Variants in LMTK2 observed in about 807,000 individuals in gnomAD.
LMTK2 encodes the protein lemur tail kinase 2, also known as serine/threonine-protein kinase LMTK2.
In LMTK2, 37 loss-of-function variants were observed where a neutral mutation model predicts 127.5. That is an observed-to-expected ratio of 0.29 (90% CI 0.22 to 0.38). LMTK2 has a LOEUF of 0.38. Among genes scored for constraint, LMTK2 ranks in the 10% least tolerant of loss-of-function variants. LMTK2 has a pLI of 1.00. For synonymous variants in LMTK2, 819 were observed against 810.1 expected (o/e 1.01, Z -0.19); for missense variants, 1,694 against 1,920.3 (o/e 0.88, Z 2.20).
chr7:98,182,069 C>T (rs935979577), intron 7 of LMTK2, among the ~76,000 whole-genome samples: 6 of 152,160 alleles, frequency 3.9e-5, no homozygotes, highest in Non-Finnish European at 8.8e-5. Context: ...TGAAGTTGAA[C>T]CCTTAACTAA....
chr7:98,201,239 G>T (rs1034916909), intron 11 of LMTK2, among the ~76,000 whole-genome samples: 3 of 152,044 alleles, frequency 2.0e-5, no homozygotes, highest in South Asian at 2.1e-4. Flanking sequence ...TGAGAAATTT[G>T]CAGTCACTCA....
chr7:98,110,389 G>C (rs946677061), intron 1 of LMTK2, among the ~76,000 whole-genome samples: 1 of 152,032 alleles, frequency 6.6e-6, no homozygotes, highest in African/African-American at 2.4e-5. Flanking sequence ...CCCTACGCCC[G>C]CCCCGTCTAG....
Position 98,159,317 on chromosome 7 carries a change from T to C in LMTK2, c.570-21T>C, listed in dbSNP as rs1247000373. On this transcript the variant is annotated intron_variant, in intron 5 of 13. Transcript: ENST00000297293. ...TATCATGCTTCCTGATGAACAATATTATGGCTTTTATTTTTCCCAGCATTC... is the reference window on the plus strand; with the variant it reads ...TATCATGCTTCCTGATGAACAATATCATGGCTTTTATTTTTCCCAGCATTC... 6 of 1,531,532 alleles carry C rather than the reference T, an allele frequency of 3.9e-6. No individual in the cohort carries two copies. The South Asian group carries it at 7.0e-5, about 18-fold the overall frequency. 94.9% of individuals were successfully genotyped at this position (1,531,532 alleles called of 1,614,324 possible).
At position 98,107,099 on chromosome 7, in the gene LMTK2, C is replaced by T; in HGVS notation, c.-79C>T. The T allele has an allele frequency of 9.0e-7, 1 of 1,116,104 alleles. No individual in the cohort carries two copies. The highest frequency in any genetic ancestry group is 1.2e-6 in the Non-Finnish European group (1 of 841,592). The allele number at this position is 1,116,104 out of a possible 1,614,324, so 69.1% of individuals were successfully genotyped here. On this transcript the variant is annotated 5_prime_UTR_variant, in exon 1 of 14. Coordinates refer to ENST00000297293, the MANE Select transcript of LMTK2 (RefSeq NM_014916.4). Reference sequence around the variant, plus strand: ...GTGCCACTGAGGCAGCGGAGGGAGGCAGGATCGACTGACGGGCGAACGGAC... The same window carrying T: ...GTGCCACTGAGGCAGCGGAGGGAGGTAGGATCGACTGACGGGCGAACGGAC...
Position 98,193,109 on chromosome 7 carries a change from A to T in LMTK2, c.2644A>T (p.Arg882Trp). Residue 882 changes from arginine (R) to tryptophan (W), a missense_variant, in exon 11 of 14, where the codon AGG (arginine) becomes TGG (tryptophan). Transcript: ENST00000297293. This position sits in a 1 kb window ranked among gnomAD's most constrained non-coding sequence, Gnocchi z 4.1. Reference protein sequence around the residue: ...TDARTHSLDNRSQDSPGESEE... With the variant: ...TDARTHSLDNWSQDSPGESEE... ...TGCCAGAACCCACAGCCTGGATAAC[A>T]GGTCCCAGGACTCTCCTGGCGAGAG... 6.2e-7 allele frequency: 1 copy of T among 1,613,762 alleles called. No homozygotes were observed. Among genetic ancestry groups the T allele is most frequent in the Non-Finnish European group, 8.5e-7 (1 of 1,180,036 alleles).
intron 2 of LMTK2, 34 bp from the exon 3 acceptor site, chr7:98,141,363 A>G (rs1441907197): frequency 3.8e-6 from 6 of 1,596,274 alleles, no homozygotes; most frequent in Admixed American, 1.7e-5. Flanking sequence ...AATGTTAGCC[A>G]ATGGTTTTTA....
intron 1 of LMTK2, among the ~76,000 whole-genome samples, chr7:98,134,433 A>G (rs1796569551): frequency 6.6e-6 from 1 of 152,236 alleles, no homozygotes; most frequent in South Asian, 2.1e-4. Flanking sequence ...ATCAATAAAA[A>G]ACAGTGTACG....
In LMTK2 at chr7:98,205,579, C is replaced by T. The variant is rs1396351245; in HGVS notation, c.*87C>T. ...CTCAGCCCGAGCAGCGACATCCACT[C>T]GCCATTTGCTGACATGAGATTGGGA... On this transcript the variant is annotated 3_prime_UTR_variant, in exon 14 of 14. Transcript: ENST00000297293. 2.2e-6 allele frequency: 3 copies of T among 1,374,256 alleles called. No homozygotes were observed. Among genetic ancestry groups the T allele is most frequent in the Non-Finnish European group, 3.1e-6 (3 of 982,078 alleles). 85.1% of individuals were successfully genotyped at this position (1,374,256 alleles called of 1,614,324 possible).
At chr7:98,137,881 C>T (rs776674329) in intron 2 of LMTK2, among the ~76,000 whole-genome samples, 4 of 152,166 alleles carry the variant, frequency 2.6e-5, no homozygotes, top group African/African-American at 4.8e-5. Flanking sequence ...CCCTCCACCC[C>T]GAAACTTCTG....
chr7:98,140,169 T>TCG (rs1562902872), intron 2 of LMTK2, among the ~76,000 whole-genome samples: 2 of 5,972 alleles, frequency 3.3e-4, no homozygotes, highest in Admixed American at 5.1e-3. Flanking sequence ...TTTCTTTTCT[T>TCG]TTCTTTCTTT....
At position 98,192,956 on chromosome 7, in the gene LMTK2, C is replaced by G. The variant is rs138027258; in HGVS notation, c.2491C>G (p.Pro831Ala). Residue 831 changes from proline (P) to alanine (A), a missense_variant, in exon 11 of 14, where the codon CCA becomes GCA. Physicochemically the swap from Pro to Ala is conservative, Grantham distance 27. This residue lies in a region of LMTK2 where 527 missense variants were observed against 539.8 expected (regional missense o/e 0.98). Coordinates refer to ENST00000297293, the MANE Select transcript of LMTK2 (RefSeq NM_014916.4). ...ETEETPRRVP[P>A]DSLPTQGETQ... is the part of the protein sequence containing the mutation. ...AGAAGAAACGCCCCGTCGGGTACCCCCAGACTCACTCCCAACACAGGGAGA... is the reference window on the plus strand; with the variant it reads ...AGAAGAAACGCCCCGTCGGGTACCCGCAGACTCACTCCCAACACAGGGAGA... 1,309 of 1,613,986 alleles carry G rather than the reference C, an allele frequency of 8.1e-4. 3 individuals are homozygous for G. Among genetic ancestry groups the G allele is most frequent in the Non-Finnish European group, 1.0e-3 (1,195 of 1,180,032 alleles).
At chr7:98,154,939 T>A in intron 5 of LMTK2, 63 bp downstream of exon 5, 1 of 926,078 alleles carries the variant, frequency 1.1e-6, no homozygotes, top group South Asian at 1.4e-5. Context: ...GTCAGGTGTT[T>A]AAAACTACTG....
rs75329217 is a variant in LMTK2, at chr7:98,204,749, G to T, written c.4483+563G>T. ...TGTGGGGCCAGGCTGAGGCAGAGGG[G>T]CTCTGGGTCCCAGGAACGCCCAGGC... On this transcript the variant is annotated intron_variant, in intron 13 of 13. Transcript: ENST00000297293. Among the ~76,000 whole-genome samples the T allele has an allele frequency of 1.2e-4, 18 of 152,394 alleles. No individual in the cohort carries two copies. In the East Asian group the frequency reaches 2.3e-3, roughly 20 times the overall value.
Position 98,204,252 on chromosome 7 carries a change from A to T in LMTK2, c.4483+66A>T, listed in dbSNP as rs1352684917. The T allele has an allele frequency of 2.5e-6, 4 of 1,570,236 alleles. No homozygotes were observed. In the East Asian group the frequency reaches 6.8e-5, roughly 27 times the overall value. ...GGGGGTGGGGCGCTGCAGCTGGGAGATGGTGGTTTTGCAGGCCTGATAATC... is the reference window on the plus strand; with the variant it reads ...GGGGGTGGGGCGCTGCAGCTGGGAGTTGGTGGTTTTGCAGGCCTGATAATC... On this transcript the variant is annotated intron_variant, in intron 13 of 13. Transcript: ENST00000297293.
intron 7 of LMTK2, among the ~76,000 whole-genome samples, chr7:98,184,203 T>C (rs1410381998): frequency 1.3e-5 from 2 of 151,686 alleles, no homozygotes; most frequent in Non-Finnish European, 2.9e-5. Flanking sequence ...ACTTGAGGAG[T>C]TTTTTCCTTA....
chr7:98,203,601 T>C lies in LMTK2; in HGVS notation c.4135T>C (p.Cys1379Arg). ...GACCCCAACCAAAGAGCTGGGGCCCTGTGGAGGAGAGGCGTGCGGCCCGGA... is the reference window on the plus strand; with the variant it reads ...GACCCCAACCAAAGAGCTGGGGCCCCGTGGAGGAGAGGCGTGCGGCCCGGA... The part of the protein sequence containing the change: ...QETPTKELGP[C>R]GGEACGPDLS... The change falls in exon 12 of 14, where the codon TGT (cysteine) becomes CGT (arginine). Residue 1379 changes from cysteine to arginine, a missense_variant. Coordinates refer to ENST00000297293, the MANE Select transcript of LMTK2 (RefSeq NM_014916.4). The C allele has an allele frequency of 1.9e-6, 3 of 1,603,506 alleles. No homozygotes were observed. The highest frequency in any genetic ancestry group is 2.5e-6 in the Non-Finnish European group (3 of 1,177,312).
chr7:98,152,252 A>C (rs1796870180), intron 4 of LMTK2, among the ~76,000 whole-genome samples: 1 of 152,168 alleles, frequency 6.6e-6, no homozygotes, highest in African/African-American at 2.4e-5. Flanking sequence ...GATGGCTCAG[A>C]AGGAGTAATC....
At chr7:98,163,658 G>T (rs1245104461) in intron 6 of LMTK2, among the ~76,000 whole-genome samples, 1 of 152,190 alleles carries the variant, frequency 6.6e-6, no homozygotes, top group Non-Finnish European at 1.5e-5. Context: ...ACCAGCCCAG[G>T]GAGCCAGAGA....
rs368989104 is a variant in LMTK2, at chr7:98,192,045, A to G, written c.1580A>G (p.Gln527Arg). ...PGPGKQDDSG[Q>R]DVPLRVPGVV... ...CCCGGAAAGCAAGATGACAGCGGCC[A>G]GGATGTCCCCCTGAGGGTCCCTGGA... is the stretch of plus-strand genomic sequence containing the variant. The change falls in exon 11 of 14, where the codon CAG becomes CGG. Residue 527 changes from glutamine to arginine, a missense_variant. Transcript: ENST00000297293. 2 of 1,603,274 alleles carry G rather than the reference A, an allele frequency of 1.2e-6. No individual in the cohort carries two copies. Among genetic ancestry groups the G allele is most frequent in the Non-Finnish European group, 1.7e-6 (2 of 1,172,608 alleles).
Sources: gnomAD v4.1 joint callset for allele counts (sites outside exome capture counted in the v4.1 genomes callset) on GRCh38, gnomAD v4.1.1 for gene constraint, gnomAD v4.1.1 regional missense constraint, Gnocchi (gnomAD v3.1) non-coding constraint, MANE v1.5 for transcripts, NCBI Gene and HGNC (gene_info 2026-07-23, HGNC 2026-07-21) for gene names.